HCN1: variants seen among roughly 807,000 people sequenced by gnomAD.
HCN1 encodes the protein potassium/sodium hyperpolarization-activated cyclic nucleotide-gated channel 1.
Under a neutral mutation model 78.9 loss-of-function variants are expected in HCN1, and 13 were observed. The observed-to-expected ratio is 0.16, with a 90% CI of 0.11 to 0.26. The LOEUF (loss-of-function observed/expected upper bound fraction) is 0.26, where lower values mean the gene tolerates loss of function less well. Ranked by LOEUF, HCN1 falls within the 10% of genes least tolerant of loss-of-function variation. HCN1 has a pLI of 1.00. For missense variants in HCN1, 810 were observed against 1,154.3 expected, an observed-to-expected ratio of 0.70 and a Z score of 4.32; for synonymous variants, 552 against 455.5, an observed-to-expected ratio of 1.21 and a Z score of -2.70.
Position 45,257,401 on chromosome 5 carries a change from A to G in HCN1, c.*4520T>C, listed in dbSNP as rs1210048096. The G allele has an allele frequency of 4.6e-5, 7 of 152,204 alleles. No individual in the cohort carries two copies. Among genetic ancestry groups the G allele is most frequent in the African/African-American group, 1.4e-4 (6 of 41,460 alleles). The allele number at this position is 152,204 out of a possible 1,614,324, so 9.4% of individuals were successfully genotyped here. A position where few individuals can be genotyped will look rare whatever the true frequency, so the allele number is the denominator to read the frequency against. On this transcript the variant is annotated 3_prime_UTR_variant, in exon 8 of 8. Coordinates refer to ENST00000303230, the MANE Select transcript of HCN1 (RefSeq NM_021072.4). ...ATGCTTAATTTTTCACTAAATGATAATTATTTCCCCAGCATTTAATGTATT... is the reference window on the plus strand; with the variant it reads ...ATGCTTAATTTTTCACTAAATGATAGTTATTTCCCCAGCATTTAATGTATT...
chr5:45,269,953 C>A (rs1330276894), intron 6 of HCN1, among the ~76,000 whole-genome samples: 1 of 152,222 alleles, frequency 6.6e-6, no homozygotes, highest in Non-Finnish European at 1.5e-5. Context: ...TAACCACCAG[C>A]ATACATTTAA....
At chr5:45,315,354 C>T (rs1745961215) in intron 5 of HCN1, among the ~76,000 whole-genome samples, 1 of 152,108 alleles carries the variant, frequency 6.6e-6, no homozygotes, top group Non-Finnish European at 1.5e-5. Flanking sequence ...TAAAGATGTC[C>T]TTTAAAACCA....
chr5:45,371,876 A>C (rs1378311638), intron 4 of HCN1, among the ~76,000 whole-genome samples: 2 of 111,280 alleles, frequency 1.8e-5, no homozygotes, highest in Non-Finnish European at 3.3e-5. Flanking sequence ...GTAATATTAT[A>C]TATGAAATAA....
chr5:45,427,419 C>T (rs960801371), intron 3 of HCN1, among the ~76,000 whole-genome samples: 16 of 152,038 alleles, frequency 1.1e-4, no homozygotes, highest in Non-Finnish European at 8.8e-5. Flanking sequence ...TTATAGTTAA[C>T]ATTAAGTCTT....
At chr5:45,564,096 A>C (rs541878113) in intron 2 of HCN1, among the ~76,000 whole-genome samples, 1 of 152,174 alleles carries the variant, frequency 6.6e-6, no homozygotes, top group Non-Finnish European at 1.5e-5. Context: ...GACAAAATGT[A>C]ATTTGTTAAG....
At chr5:45,510,085 A>G (rs1173520201) in intron 2 of HCN1, among the ~76,000 whole-genome samples, 2 of 152,118 alleles carry the variant, frequency 1.3e-5, no homozygotes, top group Admixed American at 6.6e-5. Context: ...TAACACTTGA[A>G]TGAAAAGACA....
intron 2 of HCN1, among the ~76,000 whole-genome samples, chr5:45,617,096 T>A (rs977156753): frequency 6.6e-6 from 1 of 152,018 alleles, no homozygotes; most frequent in Non-Finnish European, 1.5e-5. Context: ...GAAAAACATA[T>A]ATATTTATAC....
intron 2 of HCN1, among the ~76,000 whole-genome samples, chr5:45,473,953 A>G (rs1301428882): frequency 6.6e-6 from 1 of 151,876 alleles, no homozygotes; most frequent in Non-Finnish European, 1.5e-5. Flanking sequence ...ATTAATTTAT[A>G]ATATACTCTT....
At chr5:45,519,800 T>A (rs1019947838) in intron 2 of HCN1, among the ~76,000 whole-genome samples, 2 of 151,792 alleles carry the variant, frequency 1.3e-5, no homozygotes, top group African/African-American at 2.4e-5. Context: ...TTCATTCATT[T>A]TAAAATGTAT....
chr5:45,505,640 AT>A (rs1426480575), intron 2 of HCN1, among the ~76,000 whole-genome samples: 7 of 152,150 alleles, frequency 4.6e-5, no homozygotes, highest in African/African-American at 1.7e-4. Context: ...TTTTGAAGAC[AT>A]TTTAAGGTTT....
chr5:45,544,791 A>G (rs192456464), intron 2 of HCN1, among the ~76,000 whole-genome samples: 7 of 152,042 alleles, frequency 4.6e-5, no homozygotes, highest in Admixed American at 4.6e-4. Flanking sequence ...ATCCTTTTTC[A>G]TGACTGCATA....
chr5:45,384,728 G>C (rs771333129), intron 4 of HCN1, among the ~76,000 whole-genome samples: 54 of 152,144 alleles, frequency 3.5e-4, no homozygotes, highest in Non-Finnish European at 6.9e-4. Context: ...AAATGCAAAG[G>C]CTGATCTGCA....
intron 2 of HCN1, among the ~76,000 whole-genome samples, chr5:45,581,364 GTTGT>G (rs1744069148): frequency 2.0e-5 from 3 of 152,106 alleles, no homozygotes; most frequent in African/African-American, 7.2e-5. Context: ...TTTTGATGGG[GTTGT>G]TTGTTTTTTT....
intron 2 of HCN1, among the ~76,000 whole-genome samples, chr5:45,583,312 T>C (rs991693532): frequency 2.6e-5 from 4 of 152,222 alleles, no homozygotes; most frequent in African/African-American, 9.6e-5. Context: ...TTTATTTGCA[T>C]AGAGGTGTTT....
At chr5:45,664,223 C>T (rs1745984898) in intron 1 of HCN1, among the ~76,000 whole-genome samples, 1 of 93,472 alleles carries the variant, frequency 1.1e-5, no homozygotes, top group Non-Finnish European at 2.1e-5. Flanking sequence ...AAACCAAACA[C>T]CGCATATTCT....
At chr5:45,276,689 G>C (rs1013726034) in intron 6 of HCN1, among the ~76,000 whole-genome samples, 9 of 151,986 alleles carry the variant, frequency 5.9e-5, no homozygotes, top group Non-Finnish European at 7.4e-5. Flanking sequence ...ATAAATTCAA[G>C]CATAATATGA....
At chr5:45,502,715 G>T (rs1742214853) in intron 2 of HCN1, among the ~76,000 whole-genome samples, 1 of 151,990 alleles carries the variant, frequency 6.6e-6, no homozygotes, top group African/African-American at 2.4e-5. Flanking sequence ...CTAAATGAAG[G>T]CCTGGTATGT....
At chr5:45,442,754 C>A (rs1423140399) in intron 3 of HCN1, among the ~76,000 whole-genome samples, 1 of 152,116 alleles carries the variant, frequency 6.6e-6, no homozygotes, top group Non-Finnish European at 1.5e-5. Context: ...GTATGCTTTA[C>A]CAATTCACCA....
At chr5:45,667,119 C>A (rs1257724305) in intron 1 of HCN1, among the ~76,000 whole-genome samples, 1 of 151,958 alleles carries the variant, frequency 6.6e-6, no homozygotes, top group Non-Finnish European at 1.5e-5. Flanking sequence ...GCTGGGCTCA[C>A]TGGTCCTACA....
Sources: gnomAD v4.1 joint callset for allele counts (sites outside exome capture counted in the v4.1 genomes callset) on GRCh38, gnomAD v4.1.1 for gene constraint, MANE v1.5 for transcripts, NCBI Gene and HGNC (gene_info 2026-07-23, HGNC 2026-07-21) for gene names.